COL14A1: variants seen among roughly 807,000 people sequenced by gnomAD.
The protein encoded by COL14A1 is collagen type XIV alpha 1 chain, also known as collagen alpha-1(XIV) chain.
A neutral mutation model predicts 230.3 loss-of-function variants in COL14A1; 136 were observed. The observed-to-expected ratio is 0.59, with a 90% CI of 0.51 to 0.68. The LOEUF (loss-of-function observed/expected upper bound fraction) is 0.68, where lower values mean the gene tolerates loss of function less well. Ranked by LOEUF, COL14A1 falls within the 30% of genes least tolerant of loss-of-function variation. The pLI is 0.00. For missense variants in COL14A1, 1,976 were observed against 2,215.8 expected (o/e 0.89, Z 2.17); for synonymous variants, 792 against 784.1 (o/e 1.01, Z -0.17).
chr8:120,360,117 A>G (rs749192148), intron 45 of COL14A1, among the ~76,000 whole-genome samples: 12 of 152,166 alleles, frequency 7.9e-5, no homozygotes, highest in Non-Finnish European at 1.5e-4. Context: ...GCCCCACTTA[A>G]TGATTCAACC....
intron 5 of COL14A1, among the ~76,000 whole-genome samples, chr8:120,171,904 G>C (rs961223): frequency 0.29 from 43,193 of 151,420 alleles, 7,276 homozygotes; most frequent in African/African-American, 0.47. Context: ...TAATATTTTG[G>C]GTTCCTTATA....
intron 5 of COL14A1, among the ~76,000 whole-genome samples, chr8:120,191,672 G>C (rs1171630870): frequency 6.6e-6 from 1 of 151,320 alleles, no homozygotes; most frequent in African/African-American, 2.4e-5. Context: ...ATTATTGTGT[G>C]GGAGTCTAAG....
At chr8:120,156,985 T>C (rs1228657258) in intron 2 of COL14A1, among the ~76,000 whole-genome samples, 1 of 152,200 alleles carries the variant, frequency 6.6e-6, no homozygotes, top group Non-Finnish European at 1.5e-5. Flanking sequence ...TAAAAAAGGC[T>C]AACTTTTCCA....
chr8:120,208,631 A>G (rs993885433), intron 11 of COL14A1, among the ~76,000 whole-genome samples: 1 of 152,222 alleles, frequency 6.6e-6, no homozygotes, highest in Non-Finnish European at 1.5e-5. Context: ...TCATTCATTT[A>G]TTAAATAAGT....
intron 1 of COL14A1, among the ~76,000 whole-genome samples, chr8:120,140,189 C>A (rs1032553113): frequency 3.9e-5 from 6 of 152,214 alleles, no homozygotes; most frequent in Non-Finnish European, 8.8e-5. Context: ...TCCTCACTCA[C>A]AATTTTCTAT....
chr8:120,257,586 C>A lies in COL14A1; in HGVS notation c.2869+2230C>A, dbSNP rs920031107. Among the ~76,000 whole-genome samples, 11 of 152,188 alleles carry A rather than the reference C, an allele frequency of 7.2e-5. No homozygotes were observed. The East Asian group carries it at 2.1e-3, about 29-fold the overall frequency. On this transcript the variant is annotated intron_variant, in intron 23 of 47. Transcript: ENST00000297848. ...TTATCTTATAGGGGAATGTGTTCAC[C>A]ATTCTGATTCACTGACTTTAAAGGA... is the stretch of plus-strand genomic sequence containing the variant.
intron 8 of COL14A1, among the ~76,000 whole-genome samples, chr8:120,200,364 G>A (rs1817196786): frequency 6.6e-6 from 1 of 151,730 alleles, no homozygotes; most frequent in Admixed American, 6.6e-5. Flanking sequence ...CAAATAAAAT[G>A]CATTTATCTT....
intron 9 of COL14A1, among the ~76,000 whole-genome samples, chr8:120,206,357 G>A (rs560570526): frequency 6.6e-6 from 1 of 152,248 alleles, no homozygotes; most frequent in East Asian, 1.9e-4. Context: ...TTGTTTGTTT[G>A]TTTGTTTTTT....
chr8:120,297,810 A>G lies in COL14A1; in HGVS notation c.4314+222A>G, dbSNP rs188782776. 2.6e-5 allele frequency among the ~76,000 whole-genome samples: 4 copies of G among 152,138 alleles called. No individual in the cohort carries two copies. In the East Asian group the frequency reaches 7.7e-4, roughly 29 times the overall value. On this transcript the variant is annotated intron_variant, in intron 35 of 47. Transcript: ENST00000297848. ...CCAACTCAGAGGGTGCTATTTACACATAGTCCAGATGTTCCCAGATTCCAT... is the reference window on the plus strand; with the variant it reads ...CCAACTCAGAGGGTGCTATTTACACGTAGTCCAGATGTTCCCAGATTCCAT...
At chr8:120,252,634 T>C (rs1819009453) in intron 22 of COL14A1, among the ~76,000 whole-genome samples, 1 of 152,184 alleles carries the variant, frequency 6.6e-6, no homozygotes, top group African/African-American at 2.4e-5. Flanking sequence ...ATGAAGATAA[T>C]AATAACCATC....
At chr8:120,267,313 G>A (rs1443226689) in intron 25 of COL14A1, among the ~76,000 whole-genome samples, 1 of 151,626 alleles carries the variant, frequency 6.6e-6, no homozygotes, top group African/African-American at 2.4e-5. Context: ...ACTTTAAAAA[G>A]GCCCTCAACA....
At chr8:120,211,870 A>T (rs1421809718) in intron 12 of COL14A1, among the ~76,000 whole-genome samples, 1 of 152,236 alleles carries the variant, frequency 6.6e-6, no homozygotes, top group African/African-American at 2.4e-5. Context: ...GTGTTCAAGA[A>T]TCAAAAAAGC....
chr8:120,196,853 T>C lies in COL14A1; in HGVS notation c.499T>C (p.Trp167Arg), dbSNP rs143945195. The C allele has an allele frequency of 1.2e-6, 2 of 1,614,126 alleles. No homozygotes were observed. The highest frequency in any genetic ancestry group is 1.1e-5 in the South Asian group (1 of 91,070). ...CATTGTAATCCTGGTCGATGGTTCA[T>C]GGAGTATTGGAAGATTCAACTTCAG... ...ADIVILVDGS[W>R]SIGRFNFRLV... Residue 167 changes from tryptophan to arginine, a missense_variant, in exon 6 of 48, where the codon TGG (tryptophan) becomes CGG (arginine). Physicochemically the swap from Trp to Arg is moderately radical, Grantham distance 101. Around this residue, in one of 3 missense-constraint regions of COL14A1, gnomAD observed 4 missense variants for 17.7 expected, o/e 0.23. Coordinates refer to ENST00000297848, the MANE Select transcript of COL14A1 (RefSeq NM_021110.4).
At chr8:120,322,852 T>C (rs952319225) in intron 40 of COL14A1, among the ~76,000 whole-genome samples, 3 of 152,232 alleles carry the variant, frequency 2.0e-5, no homozygotes, top group Admixed American at 1.3e-4. Context: ...AGTGCTGCAA[T>C]GAACCCACCC....
intron 42 of COL14A1, among the ~76,000 whole-genome samples, chr8:120,336,309 A>C (rs1462287424): frequency 6.6e-6 from 1 of 152,170 alleles, no homozygotes; most frequent in Non-Finnish European, 1.5e-5. Flanking sequence ...TTTAGATGAG[A>C]TCTTAGAATA....
At chr8:120,133,502 A>T (rs1026661518) in intron 1 of COL14A1, among the ~76,000 whole-genome samples, 6 of 152,164 alleles carry the variant, frequency 3.9e-5, no homozygotes, top group Non-Finnish European at 5.9e-5. Context: ...GATTAATATA[A>T]TTGTCATGTT....
intron 4 of COL14A1, among the ~76,000 whole-genome samples, chr8:120,166,088 A>G (rs1018215802): frequency 8.5e-5 from 13 of 152,306 alleles, no homozygotes; most frequent in African/African-American, 3.1e-4. Flanking sequence ...CAGCTCTCCC[A>G]TAGAGAAGTA....
intron 18 of COL14A1, among the ~76,000 whole-genome samples, chr8:120,231,031 G>A (rs1818250074): frequency 6.6e-6 from 1 of 152,106 alleles, no homozygotes; most frequent in African/African-American, 2.4e-5. Context: ...TGGAGGTGAG[G>A]GCAGGTGATT....
At chr8:120,145,097 A>T (rs1331881753) in intron 1 of COL14A1, among the ~76,000 whole-genome samples, 1 of 152,214 alleles carries the variant, frequency 6.6e-6, no homozygotes, top group East Asian at 1.9e-4. Flanking sequence ...TATTTTGTTT[A>T]AAAAAATTTA....
Sources: allele counts gnomAD v4.1 joint callset (sites outside exome capture counted in the v4.1 genomes callset), GRCh38; gene constraint gnomAD v4.1.1; regional missense constraint gnomAD v4.1.1; transcripts MANE v1.5; gene names NCBI Gene and HGNC (gene_info 2026-07-23, HGNC 2026-07-21).